The following NAALADL2 variants were observed in gnomAD, a reference collection of about 807,000 sequenced individuals.
The protein encoded by NAALADL2 is inactive N-acetylated-alpha-linked acidic dipeptidase-like protein 2.
Under a neutral mutation model 87.2 loss-of-function variants are expected in NAALADL2, and 76 were observed. That is an observed-to-expected ratio of 0.87 (90% CI 0.72 to 1.05). NAALADL2 has a LOEUF of 1.05. NAALADL2 is among the 50% of genes least tolerant of loss of function. The probability of loss-of-function intolerance (pLI) is 0.00; values close to 1 mark genes in which losing one functional copy is unlikely to be tolerated. For synonymous variants in NAALADL2, 354 were observed against 331.0 expected (o/e 1.07, Z -0.75); for missense variants, 1,089 against 945.8 (o/e 1.15, Z -1.99).
At chr3:175,760,715 T>C (rs1747888209) in intron 13 of NAALADL2, among the ~76,000 whole-genome samples, 1 of 152,174 alleles carries the variant, frequency 6.6e-6, no homozygotes, top group South Asian at 2.1e-4. Flanking sequence ...TCCTGGATAC[T>C]GGGTGTGTCT....
intron 1 of NAALADL2, among the ~76,000 whole-genome samples, chr3:174,547,015 A>G (rs750719366): frequency 3.9e-5 from 6 of 152,186 alleles, no homozygotes; most frequent in Non-Finnish European, 7.3e-5. Flanking sequence ...GTATTTAACT[A>G]GAAATTAACT....
At chr3:174,555,148 G>T (rs1442281641) in intron 2 of NAALADL2, among the ~76,000 whole-genome samples, 1 of 152,092 alleles carries the variant, frequency 6.6e-6, no homozygotes. Context: ...ATAGCAGGGA[G>T]AAAAAATAGT....
At chr3:175,476,183 G>C in intron 9 of NAALADL2, among the ~76,000 whole-genome samples, 1 of 152,260 alleles carries the variant, frequency 6.6e-6, no homozygotes, top group Admixed American at 6.5e-5. Flanking sequence ...GTTCGTTGGA[G>C]TTTTTGAGCT....
intron 2 of NAALADL2, among the ~76,000 whole-genome samples, chr3:174,638,508 A>G (rs1416651129): frequency 6.6e-6 from 1 of 152,162 alleles, no homozygotes; most frequent in Non-Finnish European, 1.5e-5. Context: ...AGTAGAGGTA[A>G]ACAGCCTTTT....
rs9836841 is a variant in NAALADL2, at chr3:175,097,130, A to T, written c.384A>T (p.Ile128=). The change falls in exon 2 of 14, where the codon ATA becomes ATT. Residue 128 remains isoleucine, a synonymous_variant. Coordinates refer to ENST00000454872, the MANE Select transcript of NAALADL2 (RefSeq NM_207015.3). ...GCAACTTTTGCCACGTCTTAAAAAT[A>T]CTTTGCACAGCCACCATTTTATTTA... ...NRCNFCHVLK[I]LCTATILFIF... 1 of 1,612,854 alleles carries T rather than the reference A, an allele frequency of 6.2e-7. No homozygotes were observed. Among genetic ancestry groups the T allele is most frequent in the African/African-American group, 1.3e-5 (1 of 74,858 alleles).
At chr3:175,750,469 C>G (rs1746490834) in intron 12 of NAALADL2, among the ~76,000 whole-genome samples, 1 of 152,062 alleles carries the variant, frequency 6.6e-6, no homozygotes. Context: ...ATACTTCTTA[C>G]AATATCCAGC....
At chr3:175,528,550 A>G (rs1223962039) in intron 9 of NAALADL2, among the ~76,000 whole-genome samples, 2 of 152,120 alleles carry the variant, frequency 1.3e-5, no homozygotes, top group African/African-American at 4.8e-5. Flanking sequence ...AATCCAATCA[A>G]GTTGACACTC....
chr3:175,055,830 A>G (rs1056113225), intron 1 of NAALADL2, among the ~76,000 whole-genome samples: 1 of 152,194 alleles, frequency 6.6e-6, no homozygotes, highest in East Asian at 1.9e-4. Context: ...ATCCACTCTC[A>G]GTCCTGCCAT....
At chr3:175,367,536 G>C (rs1444812915) in intron 5 of NAALADL2, among the ~76,000 whole-genome samples, 1 of 152,120 alleles carries the variant, frequency 6.6e-6, no homozygotes, top group South Asian at 2.1e-4. Context: ...TTATTTCCTT[G>C]AGCAGTGGTT....
chr3:174,545,551 T>C (rs1230346380), intron 1 of NAALADL2, among the ~76,000 whole-genome samples: 1 of 152,190 alleles, frequency 6.6e-6, no homozygotes, highest in Non-Finnish European at 1.5e-5. Context: ...TTTTGACAAA[T>C]CGGAGTCCAT....
At chr3:175,193,811 A>G (rs1460484926) in intron 2 of NAALADL2, among the ~76,000 whole-genome samples, 1 of 151,988 alleles carries the variant, frequency 6.6e-6, no homozygotes, top group East Asian at 1.9e-4. Context: ...TTTAGCAGAT[A>G]GAAAAGCACT....
intron 3 of NAALADL2, among the ~76,000 whole-genome samples, chr3:174,771,851 T>G (rs1714605879): frequency 6.6e-6 from 1 of 152,184 alleles, no homozygotes; most frequent in Non-Finnish European, 1.5e-5. Context: ...AGGGTAAAAC[T>G]GACAATGACT....
chr3:174,479,761 TTTGTG>T (rs1055277437), intron 1 of NAALADL2, among the ~76,000 whole-genome samples: 2 of 138,748 alleles, frequency 1.4e-5, no homozygotes, highest in African/African-American at 5.0e-5. Flanking sequence ...TGTGTTTACC[TTTGTG>T]TTATTTATTG....
chr3:175,217,319 C>A (rs1742703449), intron 2 of NAALADL2, among the ~76,000 whole-genome samples: 1 of 152,142 alleles, frequency 6.6e-6, no homozygotes, highest in African/African-American at 2.4e-5. Context: ...GCGTTCATTT[C>A]CAGTTTGCAG....
chr3:175,301,595 T>C (rs1757093784), intron 4 of NAALADL2, among the ~76,000 whole-genome samples: 1 of 152,076 alleles, frequency 6.6e-6, no homozygotes, highest in Admixed American at 6.6e-5. Flanking sequence ...ATTGATGTAA[T>C]GAGAATGGGT....
chr3:174,843,899 A>G (rs1435393652), intron 3 of NAALADL2, among the ~76,000 whole-genome samples: 1 of 152,094 alleles, frequency 6.6e-6, no homozygotes, highest in Non-Finnish European at 1.5e-5. Flanking sequence ...TGAGTTGTTT[A>G]AAGTGTTTAT....
chr3:175,368,509 G>A (rs183587248), intron 5 of NAALADL2, among the ~76,000 whole-genome samples: 92 of 151,940 alleles, frequency 6.1e-4, no homozygotes, highest in Admixed American at 3.4e-3. Context: ...TTTTACAAAC[G>A]AATCTCTAAC....
At chr3:174,604,613 T>G (rs781518254) in intron 2 of NAALADL2, among the ~76,000 whole-genome samples, 1 of 141,876 alleles carries the variant, frequency 7.0e-6, no homozygotes, top group African/African-American at 2.5e-5. Flanking sequence ...CATTTTGTTA[T>G]TCATTTTCTG....
intron 2 of NAALADL2, among the ~76,000 whole-genome samples, chr3:174,552,372 A>G (rs1712228147): frequency 6.6e-6 from 1 of 152,222 alleles, no homozygotes; most frequent in South Asian, 2.1e-4. Context: ...TATACAAGAA[A>G]TATCAGTTTT....
Sources: allele counts gnomAD v4.1 joint callset (sites outside exome capture counted in the v4.1 genomes callset), GRCh38; gene constraint gnomAD v4.1.1; transcripts MANE v1.5; gene names NCBI Gene and HGNC (gene_info 2026-07-23, HGNC 2026-07-21).